VPS8: variants seen among roughly 807,000 people sequenced by gnomAD.
VPS8 encodes the protein vacuolar protein sorting-associated protein 8 homolog.
In VPS8, 129 loss-of-function variants were observed where a neutral mutation model predicts 216.4. The observed-to-expected ratio is 0.60, with a 90% CI of 0.52 to 0.69. The LOEUF (loss-of-function observed/expected upper bound fraction) is 0.69, where lower values mean the gene tolerates loss of function less well. Among genes scored for constraint, VPS8 ranks in the 30% least tolerant of loss-of-function variants. The probability of loss-of-function intolerance (pLI) is 0.00; values close to 1 mark genes in which losing one functional copy is unlikely to be tolerated. For synonymous variants in VPS8, 571 were observed against 565.4 expected, an observed-to-expected ratio of 1.01 and a Z score of -0.14; for missense variants, 1,531 against 1,683.5, an observed-to-expected ratio of 0.91 and a Z score of 1.59.
chr3:184,854,286 A>C, intron 13 of VPS8, 113 bp downstream of exon 13: 1 of 1,189,988 alleles, frequency 8.4e-7, no homozygotes, highest in South Asian at 1.3e-5. Context: ...AGACAGGATG[A>C]AAGTCAGTGC....
chr3:184,989,231 G>A (rs1751541981), intron 42 of VPS8, among the ~76,000 whole-genome samples: 2 of 152,166 alleles, frequency 1.3e-5, no homozygotes, highest in African/African-American at 2.4e-5. Context: ...TAAGTATGAT[G>A]TTAGCTGCAA....
chr3:184,971,041 G>A (rs76702108), intron 39 of VPS8, among the ~76,000 whole-genome samples: 2,753 of 152,300 alleles, frequency 0.018, 94 homozygotes, highest in African/African-American at 0.064. Context: ...TGGAGGAGGA[G>A]GAGCAGATTT....
At position 185,048,366 on chromosome 3, in the gene VPS8, T is replaced by C; in HGVS notation, c.4057-113T>C. On this transcript the variant is annotated intron_variant, in intron 46 of 47. Transcript: ENST00000625842. The stretch of plus-strand genomic sequence containing the variant: ...CTCACTAATAGCTGGTAGCATGGAT[T>C]GTTTTCAGGAGAATGAAGGAAGCAC... 3 of 1,024,962 alleles carry C rather than the reference T, an allele frequency of 2.9e-6. No individual in the cohort carries two copies. The South Asian group carries it at 4.2e-5, about 14-fold the overall frequency. 63.5% of individuals were successfully genotyped at this position (1,024,962 alleles called of 1,614,324 possible).
At chr3:185,034,601 T>G (rs145678806) in intron 46 of VPS8, among the ~76,000 whole-genome samples, 1 of 139,204 alleles carries the variant, frequency 7.2e-6, no homozygotes, top group African/African-American at 2.9e-5. Flanking sequence ...GTTTGCTTCG[T>G]TGATAGTTTT....
At chr3:184,994,088 A>G (rs1176601776) in intron 43 of VPS8, 25 bp downstream of exon 43, 7 of 1,482,528 alleles carry the variant, frequency 4.7e-6, no homozygotes, top group Non-Finnish European at 5.4e-6. Flanking sequence ...TGTTACATCT[A>G]AGTCTGTCCT....
At chr3:185,042,586 C>T (rs375008457) in intron 46 of VPS8, among the ~76,000 whole-genome samples, 8 of 152,108 alleles carry the variant, frequency 5.3e-5, no homozygotes, top group Non-Finnish European at 1.0e-4. Flanking sequence ...AAAATACCTC[C>T]GTTACATTGT....
chr3:184,885,314 A>G (rs1731004409), intron 21 of VPS8, among the ~76,000 whole-genome samples: 1 of 152,238 alleles, frequency 6.6e-6, no homozygotes, highest in African/African-American at 2.4e-5. Context: ...TAGTCAGCAG[A>G]AAAGGAAAGA....
chr3:185,051,986 C>T lies in VPS8; in HGVS notation c.4248C>T (p.Phe1416=), dbSNP rs776853029. ...AFNSIFQNEN[F]QLQLIPPPVT... is the part of the protein sequence containing the mutation. ...ACAGCATCTTCCAGAATGAGAACTT[C>T]CAGCTGCAGCTCATTCCTCCACCTG... Residue 1416 remains phenylalanine, a synonymous_variant, in exon 48 of 48, where the codon TTC becomes TTT. Transcript: ENST00000625842. 1.2e-6 allele frequency: 2 copies of T among 1,613,342 alleles called. No homozygotes were observed. Among genetic ancestry groups the T allele is most frequent in the Non-Finnish European group, 1.7e-6 (2 of 1,179,728 alleles).
chr3:184,982,402 G>C, intron 40 of VPS8, 164 bp from the exon 41 acceptor site: 1 of 443,784 alleles, frequency 2.3e-6, no homozygotes. Context: ...TTTTTTTTTT[G>C]CCCCAAATAT....
intron 1 of VPS8, among the ~76,000 whole-genome samples, chr3:184,814,533 T>C (rs1715893674): frequency 6.6e-6 from 1 of 152,258 alleles, no homozygotes; most frequent in African/African-American, 2.4e-5. Context: ...CACAGCATGT[T>C]ACTGTACTGA....
Position 184,936,289 on chromosome 3 carries a change from C to T in VPS8, c.2942C>T (p.Ala981Val), listed in dbSNP as rs142178072. ...CCTTGTAAAGCTGCGGAGCTGGTTG[C>T]CACCCACTTTTCTGGACATATTGAA... ...LKPCKAAELV[A>V]THFSGHIETV... Residue 981 changes from alanine to valine, a missense_variant, in exon 35 of 48, where the codon GCC (alanine) becomes GTC (valine). Around this residue, in one of 3 missense-constraint regions of VPS8, gnomAD observed 1,318 missense variants for 1,468.4 expected, o/e 0.90. Coordinates refer to ENST00000625842, the MANE Select transcript of VPS8 (RefSeq NM_001009921.3). 1.1e-4 allele frequency: 184 copies of T among 1,611,750 alleles called. 1 individual carries two copies. In the East Asian group the frequency reaches 3.9e-3, roughly 34 times the overall value.
At chr3:184,901,377 G>T (rs1045414438) in intron 25 of VPS8, 2 of 163,604 alleles carry the variant, frequency 1.2e-5, no homozygotes, top group African/African-American at 4.8e-5. Flanking sequence ...ATAGTCCATG[G>T]ATTGAATATA....
At position 184,916,972 on chromosome 3, in the gene VPS8, G is replaced by A. The variant is rs916128252; in HGVS notation, c.2382+1498G>A. 1.1e-4 allele frequency among the ~76,000 whole-genome samples: 16 copies of A among 152,250 alleles called. 1 individual carries two copies. Among genetic ancestry groups the A allele is most frequent in the Middle Eastern group, 3.4e-3 (1 of 294 alleles). ...TATCCCATGTATTATCTTCATTAGGGGATGCAGCCTTGGCAACAAGATATA... is the reference window on the plus strand; with the variant it reads ...TATCCCATGTATTATCTTCATTAGGAGATGCAGCCTTGGCAACAAGATATA... On this transcript the variant is annotated intron_variant, in intron 28 of 47. Coordinates refer to ENST00000625842, the MANE Select transcript of VPS8 (RefSeq NM_001009921.3).
intron 32 of VPS8, 23 bp downstream of exon 32, chr3:184,928,556 A>G (rs748700514): frequency 7.0e-7 from 1 of 1,435,822 alleles, no homozygotes; most frequent in Non-Finnish European, 9.2e-7. Flanking sequence ...GAGGCTGTAT[A>G]TTAGTTTGCC....
intron 31 of VPS8, among the ~76,000 whole-genome samples, chr3:184,928,197 T>C (rs1324793101): frequency 6.6e-6 from 1 of 152,240 alleles, no homozygotes; most frequent in African/African-American, 2.4e-5. Flanking sequence ...CTAATAGGGC[T>C]TTATTTGTAA....
intron 21 of VPS8, among the ~76,000 whole-genome samples, chr3:184,885,686 T>C (rs1197653333): frequency 1.3e-5 from 2 of 152,226 alleles, no homozygotes; most frequent in African/African-American, 4.8e-5. Flanking sequence ...CTAGTATTTG[T>C]TTTAATGATA....
intron 35 of VPS8, among the ~76,000 whole-genome samples, chr3:184,938,641 C>CTTTTTTTTTTTT (rs1298836777): frequency 2.2e-4 from 30 of 138,112 alleles, no homozygotes; most frequent in Non-Finnish European, 2.6e-4. Flanking sequence ...CTTTTCTTTT[C>CTTTTTTTTTTTT]TTTTTTTCTT....
intron 28 of VPS8, among the ~76,000 whole-genome samples, chr3:184,919,742 G>C (rs1442176081): frequency 2.6e-5 from 4 of 152,058 alleles, no homozygotes; most frequent in South Asian, 4.1e-4. Flanking sequence ...ATGTGTCTTA[G>C]TTATTTCCAA....
chr3:184,966,439 A>G (rs2109574131), intron 38 of VPS8, among the ~76,000 whole-genome samples: 1 of 152,316 alleles, frequency 6.6e-6, no homozygotes, highest in Middle Eastern at 3.4e-3. Flanking sequence ...TGGTGGGATG[A>G]CAGAAGCAGA....
Sources: allele counts gnomAD v4.1 joint callset (sites outside exome capture counted in the v4.1 genomes callset), GRCh38; gene constraint gnomAD v4.1.1; regional missense constraint gnomAD v4.1.1; transcripts MANE v1.5; gene names NCBI Gene and HGNC (gene_info 2026-07-23, HGNC 2026-07-21).